The following PCDH11X variants were observed in gnomAD, a reference collection of about 807,000 sequenced individuals.
PCDH11X encodes the protein protocadherin 11 X-linked.
PCDH11X carries 18 observed loss-of-function variants against 53.3 expected under a neutral mutation model. The ratio of observed to expected loss-of-function variants is 0.34; its 90% CI spans 0.23 to 0.50. The LOEUF (loss-of-function observed/expected upper bound fraction) is 0.50. Among genes scored for constraint, PCDH11X ranks in the 20% least tolerant of loss-of-function variants. The pLI is 0.98. For missense variants in PCDH11X, 570 were observed against 1,032.4 expected (o/e 0.55, Z 6.14); for synonymous variants, 279 against 393.3 (o/e 0.71, Z 3.44).
At chrX:92,502,979 C>A (rs1409195674) in intron 10 of PCDH11X, among the ~76,000 whole-genome samples, 5 of 106,888 alleles carry the variant, frequency 4.7e-5, no homozygotes, top group Non-Finnish European at 9.7e-5. Flanking sequence ...ATGTAGCCAC[C>A]TGACAAAAGT....
At chrX:91,856,809 C>T (rs1489418971) in intron 5 of PCDH11X, among the ~76,000 whole-genome samples, 1 of 111,746 alleles carries the variant, frequency 8.9e-6, no homozygotes, top group Non-Finnish European at 1.9e-5. Context: ...GCATAGTATT[C>T]CATTGTGTAT....
chrX:92,443,960 T>G (rs2072572449), intron 9 of PCDH11X, among the ~76,000 whole-genome samples: 1 of 110,834 alleles, frequency 9.0e-6, no homozygotes, highest in South Asian at 3.8e-4. Flanking sequence ...AGTCAGATAA[T>G]GTGATGCCTC....
intron 9 of PCDH11X, among the ~76,000 whole-genome samples, chrX:92,400,062 AT>A (rs1329804579): frequency 9.4e-6 from 1 of 106,781 alleles, no homozygotes; most frequent in African/African-American, 3.4e-5. Context: ...TTTTCTGATA[AT>A]TTTTATTTGA....
chrX:92,339,938 T>C (rs2069712868), intron 8 of PCDH11X, among the ~76,000 whole-genome samples: 1 of 111,292 alleles, frequency 9.0e-6, no homozygotes, highest in Admixed American at 9.6e-5. Flanking sequence ...AAAATCCCAA[T>C]TCTCATCTGG....
chrX:91,952,666 G>T (rs2061656241), intron 6 of PCDH11X, among the ~76,000 whole-genome samples: 1 of 111,541 alleles, frequency 9.0e-6, no homozygotes, highest in Non-Finnish European at 1.9e-5. Context: ...GCTACCATAT[G>T]ATCCAGCAAT....
intron 6 of PCDH11X, among the ~76,000 whole-genome samples, chrX:91,917,055 C>A (rs778731742): frequency 2.7e-5 from 3 of 111,466 alleles, no homozygotes; most frequent in African/African-American, 9.7e-5. Flanking sequence ...GAATTAAAAA[C>A]AAAAATCACA....
At chrX:92,301,521 C>G (rs1455978550) in intron 8 of PCDH11X, among the ~76,000 whole-genome samples, 1 of 110,691 alleles carries the variant, frequency 9.0e-6, no homozygotes, top group Non-Finnish European at 1.9e-5. Flanking sequence ...TCGCTGCTAC[C>G]TCAAGTGCCC....
At chrX:92,107,679 T>C (rs757387185) in intron 6 of PCDH11X, among the ~76,000 whole-genome samples, 1 of 112,338 alleles carries the variant, frequency 8.9e-6, no homozygotes, top group East Asian at 2.8e-4. Context: ...CCACTTTGAA[T>C]TGTCCCACGT....
intron 6 of PCDH11X, among the ~76,000 whole-genome samples, chrX:91,948,710 G>A (rs1465986864): frequency 4.6e-5 from 5 of 109,769 alleles, no homozygotes; most frequent in Non-Finnish European, 9.5e-5. Context: ...GGTGCAGTGG[G>A]GAAGAAAGAT....
At chrX:92,278,351 C>T (rs1421732479) in intron 8 of PCDH11X, among the ~76,000 whole-genome samples, 1 of 111,904 alleles carries the variant, frequency 8.9e-6, no homozygotes, top group African/African-American at 3.3e-5. Context: ...ATCTGAGTCA[C>T]AGCACCAAAT....
chrX:91,866,919 A>G (rs1428568144), intron 5 of PCDH11X, among the ~76,000 whole-genome samples: 139 of 111,566 alleles, frequency 1.2e-3, no homozygotes, highest in Non-Finnish European at 2.3e-3. Flanking sequence ...AACTGCTATC[A>G]GTCATTAAAA....
At chrX:92,522,746 A>G (rs2074388062) in intron 10 of PCDH11X, among the ~76,000 whole-genome samples, 1 of 112,613 alleles carries the variant, frequency 8.9e-6, no homozygotes, top group African/African-American at 3.2e-5. Context: ...CCTTCTGAAG[A>G]AGAGGAATTA....
chrX:92,283,792 G>C (rs902809299), intron 8 of PCDH11X, among the ~76,000 whole-genome samples: 1 of 111,580 alleles, frequency 9.0e-6, no homozygotes, highest in African/African-American at 3.2e-5. Flanking sequence ...TTTACTTGAG[G>C]TGTATATCTT....
chrX:92,191,204 CA>C (rs1469083093), intron 6 of PCDH11X, among the ~76,000 whole-genome samples: 13 of 112,248 alleles, frequency 1.2e-4, no homozygotes, highest in African/African-American at 4.2e-4. Context: ...GATAATTGCT[CA>C]AGGTTAAAGT....
At chrX:92,558,300 C>T (rs1171430364) in intron 10 of PCDH11X, among the ~76,000 whole-genome samples, 1 of 110,843 alleles carries the variant, frequency 9.0e-6, no homozygotes, top group Non-Finnish European at 1.9e-5. Flanking sequence ...TCTATGTGCC[C>T]AGACATATTG....
chrX:91,848,188 G>C (rs1937795976), intron 5 of PCDH11X, among the ~76,000 whole-genome samples: 1 of 105,170 alleles, frequency 9.5e-6, no homozygotes, highest in South Asian at 4.4e-4. Flanking sequence ...TTTTGTAAGA[G>C]AGGAATTTTT....
intron 10 of PCDH11X, among the ~76,000 whole-genome samples, chrX:92,572,020 G>A (rs1349933199): frequency 8.9e-6 from 1 of 112,198 alleles, no homozygotes; most frequent in African/African-American, 3.2e-5. Flanking sequence ...AATTAAACTT[G>A]ATTATATATG....
intron 7 of PCDH11X, among the ~76,000 whole-genome samples, chrX:92,210,815 A>G (rs2066571252): frequency 8.9e-6 from 1 of 111,744 alleles, no homozygotes; most frequent in African/African-American, 3.3e-5. Flanking sequence ...TTGCCAAAGC[A>G]TAGCAAGAGT....
At chrX:92,169,958 T>A (rs1224110679) in intron 6 of PCDH11X, among the ~76,000 whole-genome samples, 1 of 111,394 alleles carries the variant, frequency 9.0e-6, no homozygotes, top group Non-Finnish European at 1.9e-5. Context: ...CAGAGGGCCA[T>A]GGAAATCCAG....
Sources: gnomAD v4.1 joint callset for allele counts (sites outside exome capture counted in the v4.1 genomes callset) on GRCh38, gnomAD v4.1.1 for gene constraint, MANE v1.5 for transcripts, NCBI Gene and HGNC (gene_info 2026-07-23, HGNC 2026-07-21) for gene names.